PRKAR1A: variants seen among roughly 807,000 people sequenced by gnomAD.
The protein encoded by PRKAR1A is protein kinase cAMP-dependent type I regulatory subunit alpha, also known as cAMP-dependent protein kinase type I-alpha regulatory subunit.
In PRKAR1A, 3 loss-of-function variants were observed where a neutral mutation model predicts 52.0. The ratio of observed to expected loss-of-function variants is 0.06; its 90% CI spans 0.03 to 0.15. PRKAR1A has a LOEUF of 0.15. Ranked by LOEUF, PRKAR1A falls within the 10% of genes least tolerant of loss-of-function variation. The pLI, the probability that PRKAR1A is intolerant of heterozygous loss-of-function variation, is 1.00. For synonymous variants in PRKAR1A, 188 were observed against 168.4 expected (o/e 1.12, Z -0.90); for missense variants, 240 against 477.4 (o/e 0.50, Z 4.63).
the PRKAR1A span, among the ~76,000 whole-genome samples, chr17:68,432,317 C>T: frequency 6.6e-6 from 1 of 152,178 alleles, no homozygotes; most frequent in Non-Finnish European, 1.5e-5. Context: ...TTGCTTTAAT[C>T]ACACATGCCT....
the PRKAR1A span, among the ~76,000 whole-genome samples, chr17:68,472,591 T>C: frequency 6.6e-6 from 1 of 152,198 alleles, no homozygotes; most frequent in African/African-American, 2.4e-5. Context: ...GGGAAAAGAG[T>C]GATGCGTGAG....
the PRKAR1A span, among the ~76,000 whole-genome samples, chr17:68,456,079 G>A: frequency 1.5e-4 from 23 of 152,308 alleles, no homozygotes; most frequent in Admixed American, 1.3e-3. Flanking sequence ...AATTGCACAT[G>A]ATATTTTGTG....
At chr17:68,444,821 A>ATTGT in the PRKAR1A span, among the ~76,000 whole-genome samples, 1 of 151,544 alleles carries the variant, frequency 6.6e-6, no homozygotes, top group Non-Finnish European at 1.5e-5. Flanking sequence ...AGAAATTAAG[A>ATTGT]TTGTTTTTAC....
chr17:68,519,413 A>C (rs2085533812), intron 2 of PRKAR1A, among the ~76,000 whole-genome samples: 1 of 152,194 alleles, frequency 6.6e-6, no homozygotes, highest in African/African-American at 2.4e-5. Flanking sequence ...AAAAGGGGGA[A>C]AAGCCCCTCA....
chr17:68,534,232 C>T (rs933595381), downstream of PRKAR1A, among the ~76,000 whole-genome samples: 1 of 152,138 alleles, frequency 6.6e-6, no homozygotes, highest in African/African-American at 2.4e-5. Context: ...AAGATTTTTT[C>T]ATTTTGTGAA....
chr17:68,474,994 T>A, the PRKAR1A span, among the ~76,000 whole-genome samples: 1 of 152,224 alleles, frequency 6.6e-6, no homozygotes, highest in Non-Finnish European at 1.5e-5. Context: ...AAATCTAAGT[T>A]GGATTTATTT....
chr17:68,525,991 AAG>A (rs1460183660), intron 7 of PRKAR1A, 79 bp downstream of exon 7: 8 of 1,510,120 alleles, frequency 5.3e-6, no homozygotes, highest in African/African-American at 2.8e-5. Flanking sequence ...CCAAATTAAA[AAG>A]AGAATATTTC....
At chr17:68,485,970 C>A in the PRKAR1A span, among the ~76,000 whole-genome samples, 50 of 152,250 alleles carry the variant, frequency 3.3e-4, no homozygotes, top group African/African-American at 1.1e-3. Context: ...AAGTCCTGAC[C>A]TCAAGTGATC....
chr17:68,531,656 C>G lies in PRKAR1A; in HGVS notation c.*1207C>G. ...GCTTCAAATTGGTCTGAAAGGCTATCCTGCTGAAAGTCCTGCTTTCCTATC... is the reference window on the plus strand; with the variant it reads ...GCTTCAAATTGGTCTGAAAGGCTATGCTGCTGAAAGTCCTGCTTTCCTATC... On this transcript the variant is annotated 3_prime_UTR_variant, in exon 11 of 11. Coordinates refer to ENST00000589228, the MANE Select transcript of PRKAR1A (RefSeq NM_002734.5). 9.4e-7 allele frequency: 1 copy of G among 1,066,250 alleles called. No individual in the cohort carries two copies. The highest frequency in any genetic ancestry group is 1.1e-6 in the Non-Finnish European group (1 of 879,548). 66.0% of individuals were successfully genotyped at this position (1,066,250 alleles called of 1,614,324 possible).
chr17:68,426,247 A>AGGGGGGGGG, the PRKAR1A span: 4 of 655,812 alleles, frequency 6.1e-6, no homozygotes, highest in Admixed American at 7.8e-5. Flanking sequence ...GCGGGTGGGG[A>AGGGGGGGGG]GCGGGGGCTC....
chr17:68,528,697 T>G, intron 8 of PRKAR1A, 173 bp from the exon 9 acceptor site: 1 of 822,580 alleles, frequency 1.2e-6, no homozygotes, highest in Non-Finnish European at 1.9e-6. Context: ...GCAGGCAGTA[T>G]GAGAATCCTG....
intron 2 of PRKAR1A, among the ~76,000 whole-genome samples, chr17:68,517,202 C>T (rs1215308116): frequency 6.6e-6 from 1 of 152,118 alleles, no homozygotes; most frequent in Non-Finnish European, 1.5e-5. Flanking sequence ...TGCTGTAATT[C>T]AAGGGTCTTT....
the PRKAR1A span, among the ~76,000 whole-genome samples, chr17:68,432,911 T>C: frequency 6.6e-6 from 1 of 152,200 alleles, no homozygotes; most frequent in East Asian, 1.9e-4. Context: ...CAAAGCTCAT[T>C]GTCTGCCCTG....
At chr17:68,419,206 G>T in the PRKAR1A span, among the ~76,000 whole-genome samples, 1 of 152,162 alleles carries the variant, frequency 6.6e-6, no homozygotes, top group South Asian at 2.1e-4. Flanking sequence ...TGGTAGTCAA[G>T]AAATCGATTT....
At chr17:68,457,455 C>G in the PRKAR1A span, 1 of 1,462,972 alleles carries the variant, frequency 6.8e-7, no homozygotes, top group South Asian at 1.3e-5. Flanking sequence ...CAGCTCGGAG[C>G]CGGCGACAGC....
the PRKAR1A span, among the ~76,000 whole-genome samples, chr17:68,418,639 T>G: frequency 1.4e-4 from 22 of 152,222 alleles, no homozygotes; most frequent in Non-Finnish European, 2.8e-4. Context: ...TTCCTTGTAT[T>G]GAGTTGCATG....
chr17:68,537,387 G>GT, downstream of PRKAR1A: 1 of 1,548,558 alleles, frequency 6.5e-7, no homozygotes, highest in East Asian at 2.2e-5. The surrounding 1 kb of genome is among the most constrained non-coding windows in gnomAD (Gnocchi z 4.2). Flanking sequence ...ACTCCCAGCA[G>GT]TAACAGGTGG....
the PRKAR1A span, among the ~76,000 whole-genome samples, chr17:68,489,284 ATATATG>A: frequency 9.5e-5 from 3 of 31,414 alleles, no homozygotes; most frequent in Admixed American, 4.9e-4. Context: ...ATATATATAT[ATATATG>A]GAAAGTATAT....
chr17:68,438,936 A>G, the PRKAR1A span, among the ~76,000 whole-genome samples: 1 of 152,232 alleles, frequency 6.6e-6, no homozygotes, highest in Non-Finnish European at 1.5e-5. Context: ...TGTTAAAAAC[A>G]CGATGAGATA....
Sources: gnomAD v4.1 joint callset for allele counts (sites outside exome capture counted in the v4.1 genomes callset) on GRCh38, gnomAD v4.1.1 for gene constraint, Gnocchi (gnomAD v3.1) non-coding constraint, MANE v1.5 for transcripts, NCBI Gene and HGNC (gene_info 2026-07-23, HGNC 2026-07-21) for gene names.